Variants in GABARAPL1 observed in about 807,000 individuals in gnomAD.
GABARAPL1 encodes GABA type A receptor associated protein like 1.
A neutral mutation model predicts 14.5 loss-of-function variants in GABARAPL1; 4 were observed. That is an observed-to-expected ratio of 0.28 (90% CI 0.14 to 0.63). The LOEUF (loss-of-function observed/expected upper bound fraction) is 0.63. Among genes scored for constraint, GABARAPL1 ranks in the 30% least tolerant of loss-of-function variants. GABARAPL1 has a pLI of 0.84. For synonymous variants in GABARAPL1, 47 were observed against 50.6 expected, an observed-to-expected ratio of 0.93 and a Z score of 0.30; for missense variants, 82 against 139.2, an observed-to-expected ratio of 0.59 and a Z score of 2.07.
chr12:10,220,471 A>G lies in GABARAPL1; in HGVS notation c.201A>G (p.Arg67=). ...VGQFYFLIRK[R]IHLRPEDALF... is the part of the protein sequence containing the mutation. Reference sequence around the variant, plus strand: ...AGTTCTACTTCTTAATCCGGAAGAGAATCCACCTGAGACCTGAGGACGCCT... The same window carrying G: ...AGTTCTACTTCTTAATCCGGAAGAGGATCCACCTGAGACCTGAGGACGCCT... The change falls in exon 3 of 4, where the codon AGA becomes AGG. Residue 67 remains arginine, a synonymous_variant. Coordinates refer to ENST00000266458, the MANE Select transcript of GABARAPL1 (RefSeq NM_031412.4). 3 of 1,613,124 alleles carry G rather than the reference A, an allele frequency of 1.9e-6. No individual in the cohort carries two copies. Among genetic ancestry groups the G allele is most frequent in the Non-Finnish European group, 2.5e-6 (3 of 1,179,980 alleles).
chr12:10,219,333 CAA>C (rs374863932), intron 2 of GABARAPL1, among the ~76,000 whole-genome samples: 2 of 139,314 alleles, frequency 1.4e-5, no homozygotes, highest in East Asian at 2.9e-4. Flanking sequence ...AAACAAAAAA[CAA>C]AAAAAAAAAA....
chr12:10,213,071 G>A lies in GABARAPL1; in HGVS notation c.-59G>A, dbSNP rs11545794. On this transcript the variant is annotated 5_prime_UTR_variant, in exon 1 of 4. Transcript: ENST00000266458. ...TGACGTCGGCTGAGGGAGCGGGACAGGGTCAGCGGCGAAGGAGGCAGGCCC... is the reference window on the plus strand; with the variant it reads ...TGACGTCGGCTGAGGGAGCGGGACAAGGTCAGCGGCGAAGGAGGCAGGCCC... 9.7e-7 allele frequency: 1 copy of A among 1,029,448 alleles called. No homozygotes were observed. The highest frequency in any genetic ancestry group is 1.5e-6 in the Non-Finnish European group (1 of 667,692). The allele number at this position is 1,029,448 out of a possible 1,614,324, so 63.8% of individuals were successfully genotyped here.
intron 1 of GABARAPL1, among the ~76,000 whole-genome samples, chr12:10,216,902 T>G (rs1949093730): frequency 6.6e-6 from 1 of 152,200 alleles, no homozygotes; most frequent in Non-Finnish European, 1.5e-5. Context: ...ATTTTCTGTT[T>G]GGTAAGTTTT....
rs1949127946 is a variant in GABARAPL1 at position 10,223,123 on chromosome 12, TAAA to T, written c.*1274_*1276del. The T allele has an allele frequency of 6.6e-6, 1 of 152,582 alleles. No homozygotes were observed. Among genetic ancestry groups the T allele is most frequent in the Non-Finnish European group, 1.5e-5 (1 of 68,040 alleles). 9.5% of individuals were successfully genotyped at this position (152,582 alleles called of 1,614,324 possible). On this transcript the variant is annotated 3_prime_UTR_variant, in exon 4 of 4. Transcript: ENST00000266458. The stretch of plus-strand genomic sequence containing the variant: ...AAGGAAATAAAATAATTGCTTACCT[TAAA>T]AATCCACTGAGTTCAGCAATGTTGC...
intron 1 of GABARAPL1, chr12:10,213,772 A>T: frequency 2.2e-6 from 1 of 450,402 alleles, no homozygotes; most frequent in Non-Finnish European, 4.5e-6. Context: ...AGCACAAGAC[A>T]GTCCTGGCCT....
chr12:10,213,330 C>CTT, intron 1 of GABARAPL1, 111 bp downstream of exon 1: 3 of 727,120 alleles, frequency 4.1e-6, no homozygotes, highest in Non-Finnish European at 7.5e-6. Context: ...AAGGGAGGTT[C>CTT]CGAGAATTAC....
intron 1 of GABARAPL1, among the ~76,000 whole-genome samples, chr12:10,215,205 T>C (rs1390221557): frequency 6.6e-6 from 1 of 152,172 alleles, no homozygotes; most frequent in Admixed American, 6.5e-5. Flanking sequence ...AGAGTAATGA[T>C]TCCTGAAGCC....
intron 2 of GABARAPL1, among the ~76,000 whole-genome samples, chr12:10,218,546 C>T (rs1277635750): frequency 6.6e-6 from 1 of 151,980 alleles, no homozygotes; most frequent in East Asian, 1.9e-4. Context: ...GCACTCCACC[C>T]TGGGCAACAG....
chr12:10,216,781 C>G (rs575726230), intron 1 of GABARAPL1, among the ~76,000 whole-genome samples: 1 of 152,136 alleles, frequency 6.6e-6, no homozygotes, highest in African/African-American at 2.4e-5. Context: ...CTCAGATGAT[C>G]CGCCCGCCTC....
intron 2 of GABARAPL1, 37 bp from the exon 3 acceptor site, chr12:10,220,399 TCTTA>T: frequency 2.5e-6 from 4 of 1,610,876 alleles, no homozygotes; most frequent in Non-Finnish European, 2.5e-6. Flanking sequence ...TTCCTTGTTT[TCTTA>T]CTTTCTTTTC....
intron 2 of GABARAPL1, among the ~76,000 whole-genome samples, chr12:10,218,496 C>T (rs1023232636): frequency 6.6e-6 from 1 of 151,886 alleles, no homozygotes; most frequent in African/African-American, 2.4e-5. Flanking sequence ...TGGTGTGAAC[C>T]CGGGAGGCAG....
intron 1 of GABARAPL1, among the ~76,000 whole-genome samples, 193 bp from the exon 2 acceptor site, chr12:10,217,870 T>TG (rs1423268963): frequency 6.6e-6 from 1 of 152,182 alleles, no homozygotes; most frequent in Non-Finnish European, 1.5e-5. Flanking sequence ...ATTTTAGTAA[T>TG]GCAGCTATAA....
chr12:10,213,951 A>G (rs994062034), intron 1 of GABARAPL1: 5 of 447,676 alleles, frequency 1.1e-5, no homozygotes, highest in African/African-American at 1.0e-4. Flanking sequence ...ACACCGGCTT[A>G]AGTAGTTAAA....
At chr12:10,214,728 C>G (rs539063468) in intron 1 of GABARAPL1, 4 of 152,326 alleles carry the variant, frequency 2.6e-5, no homozygotes, top group Non-Finnish European at 5.9e-5. Flanking sequence ...CATTGCTGAT[C>G]TGTGGTTGAG....
At chr12:10,220,879 C>A in intron 3 of GABARAPL1, 1 of 1,408,300 alleles carries the variant, frequency 7.1e-7, no homozygotes, top group Non-Finnish European at 9.2e-7. Flanking sequence ...AGCGTCAGCC[C>A]ATCGCAGTTC....
intron 2 of GABARAPL1, among the ~76,000 whole-genome samples, chr12:10,219,042 G>C (rs1003051450): frequency 8.6e-5 from 13 of 152,040 alleles, no homozygotes; most frequent in Non-Finnish European, 1.6e-4. Flanking sequence ...GCTTTGGCTG[G>C]GGGTGGTGGC....
At chr12:10,213,615 G>A in intron 1 of GABARAPL1, 1 of 347,218 alleles carries the variant, frequency 2.9e-6, no homozygotes, top group Middle Eastern at 1.1e-3. Context: ...ATTGTGCTGT[G>A]CGGTGAGGTT....
intron 2 of GABARAPL1, among the ~76,000 whole-genome samples, chr12:10,219,970 A>G (rs1949111606): frequency 6.6e-6 from 1 of 152,198 alleles, no homozygotes; most frequent in Admixed American, 6.5e-5. Flanking sequence ...CAAAGCATTG[A>G]ACCTTGTTTA....
chr12:10,220,478 C>T lies in GABARAPL1; in HGVS notation c.208C>T (p.Leu70=). 6.2e-7 allele frequency: 1 copy of T among 1,613,392 alleles called. No individual in the cohort carries two copies. The highest frequency in any genetic ancestry group is 1.1e-5 in the South Asian group (1 of 91,044). Reference sequence around the variant, plus strand: ...CTTCTTAATCCGGAAGAGAATCCACCTGAGACCTGAGGACGCCTTATTCTT... The same window carrying T: ...CTTCTTAATCCGGAAGAGAATCCACTTGAGACCTGAGGACGCCTTATTCTT... ...FYFLIRKRIH[L]RPEDALFFFV... The change falls in exon 3 of 4, where the codon CTG becomes TTG. Residue 70 remains leucine (L), a synonymous_variant. Coordinates refer to ENST00000266458, the MANE Select transcript of GABARAPL1 (RefSeq NM_031412.4).
Sources: allele counts gnomAD v4.1 joint callset (sites outside exome capture counted in the v4.1 genomes callset), GRCh38; gene constraint gnomAD v4.1.1; transcripts MANE v1.5; gene names NCBI Gene and HGNC (gene_info 2026-07-23, HGNC 2026-07-21).